VAV2: variants seen among roughly 807,000 people sequenced by gnomAD.
VAV2 encodes vav guanine nucleotide exchange factor 2, also known as guanine nucleotide exchange factor VAV2.
VAV2 carries 67 observed loss-of-function variants against 132.5 expected under a neutral mutation model. The observed-to-expected ratio is 0.51, with a 90% CI of 0.42 to 0.62. VAV2 has a LOEUF of 0.62. Ranked by LOEUF, VAV2 falls within the 20% of genes least tolerant of loss-of-function variation. The pLI, the probability that VAV2 is intolerant of heterozygous loss-of-function variation, is 0.00. For synonymous variants in VAV2, 492 were observed against 443.5 expected, an observed-to-expected ratio of 1.11 and a Z score of -1.37; for missense variants, 938 against 1,153.6, an observed-to-expected ratio of 0.81 and a Z score of 2.71.
In VAV2 at chr9:133,969,435, C is replaced by A. The variant is rs139581342; in HGVS notation, c.204+22640G>T. Among the ~76,000 whole-genome samples the A allele has an allele frequency of 6.6e-6, 1 of 152,142 alleles. No homozygotes were observed. The highest frequency in any genetic ancestry group is 1.5e-5 in the Non-Finnish European group (1 of 68,020). On this transcript the variant is annotated intron_variant, in intron 1 of 29. Coordinates refer to ENST00000371850, the MANE Select transcript of VAV2 (RefSeq NM_001134398.2). The surrounding 1 kb of genome is among the most constrained non-coding windows in gnomAD (Gnocchi z 5.1). ...ACCCACCAAGACCACTGACCTCCCA[C>A]CTTCAAGTCCAGCAAACCTGGACAC...
intron 3 of VAV2, among the ~76,000 whole-genome samples, chr9:133,854,284 C>T (rs1417054291): frequency 7.4e-6 from 1 of 135,862 alleles, no homozygotes; most frequent in Non-Finnish European, 1.5e-5. Flanking sequence ...CCCATATGCA[C>T]ACACACACAC....
Position 133,834,444 on chromosome 9 carries a change from G to A in VAV2, c.381-104C>T. 1.7e-6 allele frequency: 2 copies of A among 1,178,214 alleles called. No individual in the cohort carries two copies. The highest frequency in any genetic ancestry group is 1.5e-5 in the African/African-American group (1 of 65,380). The allele number at this position is 1,178,214 out of a possible 1,614,324, so 73.0% of individuals were successfully genotyped here. On this transcript the variant is annotated intron_variant, in intron 3 of 29. Transcript: ENST00000371850. The surrounding 1 kb of genome is among the most constrained non-coding windows in gnomAD (Gnocchi z 5.9). Reference sequence around the variant, plus strand: ...AGAGCCCAGTGTGGCCCAGCCAGGAGCAAAGGGGCTCTTGTCCACTCTCTG... The same window carrying A: ...AGAGCCCAGTGTGGCCCAGCCAGGAACAAAGGGGCTCTTGTCCACTCTCTG...
At chr9:133,784,648 G>C (rs1834146626) in intron 17 of VAV2, among the ~76,000 whole-genome samples, 2 of 152,262 alleles carry the variant, frequency 1.3e-5, no homozygotes, top group African/African-American at 4.8e-5. Context: ...ACTGGCCTGA[G>C]AGAACCTTCC....
intron 2 of VAV2, among the ~76,000 whole-genome samples, chr9:133,905,723 C>A (rs886112): frequency 0.32 from 47,899 of 151,632 alleles, 8,529 homozygotes; most frequent in Non-Finnish European, 0.4. Flanking sequence ...TAGTGGATCA[C>A]TGGGGCTGCA....
intron 1 of VAV2, among the ~76,000 whole-genome samples, chr9:133,979,102 C>T (rs116193094): frequency 0.031 from 4,749 of 152,296 alleles, 151 homozygotes; most frequent in African/African-American, 0.084. Flanking sequence ...ACTGAGGCTT[C>T]GGAAGAGCTT....
At chr9:133,951,208 G>A (rs1000881808) in intron 1 of VAV2, among the ~76,000 whole-genome samples, 1 of 152,220 alleles carries the variant, frequency 6.6e-6, no homozygotes, top group African/African-American at 2.4e-5. Flanking sequence ...AAGGTGGGAG[G>A]CGGCCTCTTC....
chr9:133,905,314 T>C (rs1839605915), intron 2 of VAV2, among the ~76,000 whole-genome samples: 1 of 149,776 alleles, frequency 6.7e-6, no homozygotes, highest in South Asian at 2.1e-4. Flanking sequence ...CGGGCACCTG[T>C]AGTCCCAGCT....
At chr9:133,832,024 C>T (rs1218613332) in intron 4 of VAV2, among the ~76,000 whole-genome samples, 2 of 152,320 alleles carry the variant, frequency 1.3e-5, no homozygotes, top group Non-Finnish European at 2.9e-5. Flanking sequence ...CAAAAAAGCT[C>T]GTAAGCACCG....
chr9:133,891,094 G>C (rs1838911715), intron 2 of VAV2, among the ~76,000 whole-genome samples: 1 of 151,360 alleles, frequency 6.6e-6, no homozygotes, highest in African/African-American at 2.4e-5. Context: ...TTCTCTCCAA[G>C]GCTCTTGCAA....
chr9:133,905,401 A>C (rs1299182002), intron 2 of VAV2, among the ~76,000 whole-genome samples: 1 of 145,260 alleles, frequency 6.9e-6, no homozygotes, highest in Non-Finnish European at 1.5e-5. Flanking sequence ...GTGCCACTGC[A>C]CTCCAGCCTG....
At chr9:133,970,349 G>T (rs1212753383) in intron 1 of VAV2, among the ~76,000 whole-genome samples, 2 of 152,212 alleles carry the variant, frequency 1.3e-5, no homozygotes, top group Non-Finnish European at 2.9e-5. Flanking sequence ...AGTTTCCCAA[G>T]CGGAGGCTGG....
chr9:133,821,183 C>T (rs3858102), intron 4 of VAV2, among the ~76,000 whole-genome samples: 32,593 of 152,122 alleles, frequency 0.21, 4,362 homozygotes, highest in African/African-American at 0.37. Flanking sequence ...TAGAAAGAAG[C>T]GTGTGGAGGC....
chr9:133,872,977 G>C (rs1268424806), intron 2 of VAV2, among the ~76,000 whole-genome samples: 3 of 151,962 alleles, frequency 2.0e-5, no homozygotes, highest in African/African-American at 7.3e-5. Flanking sequence ...GCCAGGTGTG[G>C]TGGTGTGCAC....
chr9:133,959,187 T>TC (rs1841888330), intron 1 of VAV2, among the ~76,000 whole-genome samples: 1 of 152,022 alleles, frequency 6.6e-6, no homozygotes, highest in Non-Finnish European at 1.5e-5. Context: ...CCACCAACAG[T>TC]CCTCAACCCC....
chr9:133,862,511 G>C (rs570748131), intron 2 of VAV2, among the ~76,000 whole-genome samples: 1 of 152,232 alleles, frequency 6.6e-6, no homozygotes, highest in Non-Finnish European at 1.5e-5. Flanking sequence ...GTGTGTGGTC[G>C]TGTGTGCATG....
chr9:133,923,318 T>C (rs1332030742), intron 2 of VAV2, among the ~76,000 whole-genome samples: 1 of 152,302 alleles, frequency 6.6e-6, no homozygotes, highest in East Asian at 1.9e-4. Flanking sequence ...CTATGCGATA[T>C]GATCCACCAA....
rs1840876410 is a variant in VAV2, at chr9:133,935,539, T to G, written c.321+3564A>C. The stretch of plus-strand genomic sequence containing the variant: ...GCCCAGCAAGAGGTCCCCAGGAGTC[T>G]GAGCACCTGGGCAGACCAGGCCGCA... On this transcript the variant is annotated intron_variant, in intron 2 of 29. Transcript: ENST00000371850. This position sits in a 1 kb window ranked among gnomAD's most constrained non-coding sequence, Gnocchi z 5.2. Among the ~76,000 whole-genome samples the G allele has an allele frequency of 6.6e-6, 1 of 152,174 alleles. No homozygotes were observed. Among genetic ancestry groups the G allele is most frequent in the African/African-American group, 2.4e-5 (1 of 41,450 alleles).
At chr9:133,974,867 G>A (rs979723942) in intron 1 of VAV2, among the ~76,000 whole-genome samples, 6 of 152,122 alleles carry the variant, frequency 3.9e-5, no homozygotes, top group African/African-American at 1.2e-4. Context: ...ACTGGCCCCC[G>A]AAGTCTTCCA....
chr9:133,970,003 AC>A (rs940920081), intron 1 of VAV2, among the ~76,000 whole-genome samples: 1 of 151,536 alleles, frequency 6.6e-6, no homozygotes, highest in Non-Finnish European at 1.5e-5. Flanking sequence ...AGTTCCTGCC[AC>A]CCCCCAGACG....
Sources: allele counts gnomAD v4.1 joint callset (sites outside exome capture counted in the v4.1 genomes callset), GRCh38; gene constraint gnomAD v4.1.1; non-coding constraint Gnocchi (gnomAD v3.1); transcripts MANE v1.5; gene names NCBI Gene and HGNC (gene_info 2026-07-23, HGNC 2026-07-21).